The following POU6F2 variants were observed in gnomAD, a reference collection of about 807,000 sequenced individuals.
POU6F2 encodes the protein POU domain, class 6, transcription factor 2.
Under a neutral mutation model 71.3 loss-of-function variants are expected in POU6F2, and 31 were observed. The ratio of observed to expected loss-of-function variants is 0.43; its 90% CI spans 0.33 to 0.59. The LOEUF (loss-of-function observed/expected upper bound fraction) is 0.59. POU6F2 is among the 20% of genes least tolerant of loss of function. POU6F2 has a pLI of 0.04. For missense variants in POU6F2, 783 were observed against 856.8 expected (o/e 0.91, Z 1.07); for synonymous variants, 347 against 355.7 (o/e 0.98, Z 0.27).
At chr7:39,031,254 A>G (rs1190157393) in intron 1 of POU6F2, among the ~76,000 whole-genome samples, 1 of 152,062 alleles carries the variant, frequency 6.6e-6, no homozygotes, top group African/African-American at 2.4e-5. Context: ...TGTTGTTTTT[A>G]TACTAACTGT....
At chr7:39,355,967 C>T (rs1363752360) in intron 5 of POU6F2, among the ~76,000 whole-genome samples, 2 of 152,086 alleles carry the variant, frequency 1.3e-5, no homozygotes, top group Non-Finnish European at 2.9e-5. Context: ...AGGTGCAAGT[C>T]GAAGGCCAGG....
At chr7:39,248,444 A>C (rs1486175358) in intron 4 of POU6F2, among the ~76,000 whole-genome samples, 1 of 152,178 alleles carries the variant, frequency 6.6e-6, no homozygotes, top group Non-Finnish European at 1.5e-5. Context: ...TCCTCAGCCC[A>C]TCACAGAACT....
chr7:39,429,711 A>C (rs1788054188), intron 6 of POU6F2, among the ~76,000 whole-genome samples: 1 of 152,216 alleles, frequency 6.6e-6, no homozygotes, highest in Non-Finnish European at 1.5e-5. Context: ...TCCTTCCATC[A>C]GGACTTCTCC....
chr7:39,413,382 C>CA (rs1020890687), intron 6 of POU6F2, among the ~76,000 whole-genome samples: 56 of 151,996 alleles, frequency 3.7e-4, no homozygotes, highest in African/African-American at 1.4e-3. Context: ...TTTTTAAATA[C>CA]AAAAAAGGCA....
chr7:39,180,283 A>AT (rs1028537938), intron 2 of POU6F2, among the ~76,000 whole-genome samples: 4 of 152,124 alleles, frequency 2.6e-5, no homozygotes, highest in African/African-American at 9.7e-5. Context: ...GAGATATTAG[A>AT]TTTTTTTTAA....
chr7:39,036,408 A>G (rs1790065336), intron 1 of POU6F2, among the ~76,000 whole-genome samples: 2 of 152,166 alleles, frequency 1.3e-5, no homozygotes, highest in African/African-American at 4.8e-5. Context: ...AGACCTGCAA[A>G]GTATGGAAAG....
intron 2 of POU6F2, among the ~76,000 whole-genome samples, chr7:39,180,166 C>T (rs1793409435): frequency 6.6e-6 from 1 of 152,114 alleles, no homozygotes; most frequent in Non-Finnish European, 1.5e-5. Context: ...ATGGAGGAAA[C>T]AGCACAGAGA....
At chr7:39,354,591 A>AT (rs1330285073) in intron 5 of POU6F2, among the ~76,000 whole-genome samples, 1 of 152,116 alleles carries the variant, frequency 6.6e-6, no homozygotes, top group Non-Finnish European at 1.5e-5. Flanking sequence ...GGCGTATAGT[A>AT]TTTTTTAAAG....
At chr7:39,003,094 G>GTTAACTACA (rs1788958918) in intron 1 of POU6F2, among the ~76,000 whole-genome samples, 1 of 152,140 alleles carries the variant, frequency 6.6e-6, no homozygotes. Context: ...AGACAAAGCA[G>GTTAACTACA]ATTGTAGTAC....
chr7:39,298,078 C>T (rs1784886138), intron 4 of POU6F2, among the ~76,000 whole-genome samples: 1 of 152,108 alleles, frequency 6.6e-6, no homozygotes, highest in South Asian at 2.1e-4. Context: ...AAAACCTAGG[C>T]AATACCATTA....
At chr7:39,353,689 A>G (rs1456339525) in intron 5 of POU6F2, among the ~76,000 whole-genome samples, 1 of 152,092 alleles carries the variant, frequency 6.6e-6, no homozygotes, top group Admixed American at 6.5e-5. Flanking sequence ...GAGATTATGA[A>G]TTTGCTTAAG....
chr7:39,245,572 C>T (rs1038118101), intron 4 of POU6F2, among the ~76,000 whole-genome samples: 33 of 152,134 alleles, frequency 2.2e-4, no homozygotes, highest in Non-Finnish European at 4.3e-4. Flanking sequence ...CTCCTGTCTG[C>T]GTCACATCAT....
intron 2 of POU6F2, among the ~76,000 whole-genome samples, chr7:39,122,861 C>T (rs1202786353): frequency 6.6e-6 from 1 of 152,008 alleles, no homozygotes; most frequent in African/African-American, 2.4e-5. Flanking sequence ...GTGCATGCCA[C>T]CATGCCCAGC....
intron 2 of POU6F2, among the ~76,000 whole-genome samples, chr7:39,190,066 T>C (rs1403782295): frequency 6.6e-6 from 1 of 151,956 alleles, no homozygotes; most frequent in African/African-American, 2.4e-5. Flanking sequence ...ACTAATTTTT[T>C]TGTGTTTTTT....
At chr7:39,452,905 C>A (rs576061229) in intron 8 of POU6F2, among the ~76,000 whole-genome samples, 70 of 152,104 alleles carry the variant, frequency 4.6e-4, no homozygotes, top group African/African-American at 1.6e-3. Context: ...CCAGCCTGAC[C>A]AATATGATGA....
intron 7 of POU6F2, among the ~76,000 whole-genome samples, chr7:39,438,536 T>C (rs1180260963): frequency 1.3e-5 from 2 of 152,212 alleles, no homozygotes; most frequent in Non-Finnish European, 2.9e-5. Context: ...AGAATGGCGA[T>C]CATTAAAAAG....
intron 2 of POU6F2, among the ~76,000 whole-genome samples, chr7:39,164,596 A>C (rs941586184): frequency 2.0e-5 from 3 of 151,558 alleles, no homozygotes; most frequent in Non-Finnish European, 4.4e-5. Context: ...GATGCTGTGG[A>C]AGCATTTGCC....
chr7:39,015,570 TAGA>T (rs2128704903), intron 1 of POU6F2, among the ~76,000 whole-genome samples: 2 of 59,222 alleles, frequency 3.4e-5, no homozygotes, highest in African/African-American at 5.9e-5. Context: ...ATCTACATTA[TAGA>T]TATATCTATG....
At chr7:39,370,632 C>A (rs1786588133) in intron 5 of POU6F2, among the ~76,000 whole-genome samples, 1 of 152,250 alleles carries the variant, frequency 6.6e-6, no homozygotes, top group African/African-American at 2.4e-5. Flanking sequence ...TTAATTCCTG[C>A]AATGGCTAAT....
Sources: gnomAD v4.1 joint callset for allele counts (sites outside exome capture counted in the v4.1 genomes callset) on GRCh38, gnomAD v4.1.1 for gene constraint, MANE v1.5 for transcripts, NCBI Gene and HGNC (gene_info 2026-07-23, HGNC 2026-07-21) for gene names.